ATP6V1G3: variants seen among roughly 807,000 people sequenced by gnomAD.
ATP6V1G3 encodes the protein ATPase H+ transporting V1 subunit G3.
ATP6V1G3 carries 9 observed loss-of-function variants against 9.3 expected under a neutral mutation model. The ratio of observed to expected loss-of-function variants is 0.97; its 90% CI spans 0.59 to 1.69. The LOEUF is 1.69. Ranked by LOEUF, ATP6V1G3 falls within the 40% of genes most tolerant of loss-of-function variation. The probability of loss-of-function intolerance (pLI) is 0.00; values close to 1 mark genes in which losing one functional copy is unlikely to be tolerated. For synonymous variants in ATP6V1G3, 43 were observed against 43.8 expected, an observed-to-expected ratio of 0.98 and a Z score of 0.07; for missense variants, 133 against 139.0, an observed-to-expected ratio of 0.96 and a Z score of 0.22.
chr1:198,524,974 C>G (rs73077366), intron 2 of ATP6V1G3, among the ~76,000 whole-genome samples: 3 of 152,138 alleles, frequency 2.0e-5, no homozygotes, highest in African/African-American at 7.2e-5. Flanking sequence ...GCCACTGAGG[C>G]GCTTGGGTTC....
At chr1:198,527,131 G>A (rs1659686090) in intron 2 of ATP6V1G3, among the ~76,000 whole-genome samples, 1 of 152,068 alleles carries the variant, frequency 6.6e-6, no homozygotes, top group African/African-American at 2.4e-5. Context: ...TGGTTTCTTG[G>A]GTCTCCTCCC....
chr1:198,530,184 C>T (rs1659841788), intron 1 of ATP6V1G3, among the ~76,000 whole-genome samples: 1 of 151,976 alleles, frequency 6.6e-6, no homozygotes, highest in African/African-American at 2.4e-5. Flanking sequence ...TTCTTTTACC[C>T]ATTTTATAGT....
At chr1:198,529,614 C>A (rs1659815437) in intron 1 of ATP6V1G3, among the ~76,000 whole-genome samples, 1 of 152,112 alleles carries the variant, frequency 6.6e-6, no homozygotes, top group African/African-American at 2.4e-5. Context: ...TCCACACCAA[C>A]TGGATCCTAT....
intron 1 of ATP6V1G3, among the ~76,000 whole-genome samples, chr1:198,529,664 A>G (rs1275016002): frequency 1.3e-5 from 2 of 152,108 alleles, no homozygotes; most frequent in Non-Finnish European, 2.9e-5. Context: ...CAAACATGCA[A>G]CTCAGACTCT....
Position 198,523,360 on chromosome 1 carries a change from C to CTTT in ATP6V1G3, c.*28_*30dup. On this transcript the variant is annotated 3_prime_UTR_variant, in exon 3 of 3. Coordinates refer to ENST00000367382, the MANE Select transcript of ATP6V1G3 (RefSeq NM_001376861.1). ...AAGCAACCAGGTGGCACTCACACAC[C>CTTT]TTTTTTTTTCTTGAAAACTGTGATG... The CTTT allele has an allele frequency of 6.4e-7, 1 of 1,554,084 alleles. No individual in the cohort carries two copies. Among genetic ancestry groups the CTTT allele is most frequent in the Non-Finnish European group, 8.8e-7 (1 of 1,139,882 alleles).
intron 1 of ATP6V1G3, among the ~76,000 whole-genome samples, chr1:198,538,891 CAA>C (rs71569596): frequency 4.0e-4 from 39 of 97,276 alleles, no homozygotes; most frequent in Admixed American, 6.4e-4. Context: ...GACCCTGTCT[CAA>C]AAAAAAAAAA....
chr1:198,540,735 A>G, upstream of ATP6V1G3: 1 of 1,353,782 alleles, frequency 7.4e-7, no homozygotes, highest in Non-Finnish European at 1.1e-6. Flanking sequence ...CATATAACTC[A>G]GATTATTGTG....
At chr1:198,536,932 T>C (rs1660138061) in intron 1 of ATP6V1G3, among the ~76,000 whole-genome samples, 2 of 152,206 alleles carry the variant, frequency 1.3e-5, no homozygotes, top group Non-Finnish European at 2.9e-5. Flanking sequence ...GCGTGTATTA[T>C]AACTTCTATT....
At chr1:198,540,467 CAA>C (rs1214595655) in intron 1 of ATP6V1G3, 100 bp downstream of exon 1, 3 of 1,269,394 alleles carry the variant, frequency 2.4e-6, no homozygotes, top group Non-Finnish European at 3.4e-6. Context: ...TACAGTAAAC[CAA>C]AGTTTGAAAC....
At chr1:198,531,482 T>G (rs190155021) in intron 1 of ATP6V1G3, among the ~76,000 whole-genome samples, 1 of 152,222 alleles carries the variant, frequency 6.6e-6, no homozygotes, top group African/African-American at 2.4e-5. Flanking sequence ...GATTTTCAGG[T>G]GGTTTGTGGG....
intron 1 of ATP6V1G3, among the ~76,000 whole-genome samples, chr1:198,537,997 A>G (rs1325207832): frequency 6.6e-6 from 1 of 152,244 alleles, no homozygotes; most frequent in African/African-American, 2.4e-5. Context: ...GTTTCTATCC[A>G]GTTAAAACTG....
chr1:198,537,636 A>C (rs777657405), intron 1 of ATP6V1G3, among the ~76,000 whole-genome samples: 24 of 152,246 alleles, frequency 1.6e-4, no homozygotes, highest in Non-Finnish European at 2.2e-4. Flanking sequence ...GTATGAAAAA[A>C]TAAAGCAAAA....
At chr1:198,535,008 C>T (rs1383318436) in intron 1 of ATP6V1G3, among the ~76,000 whole-genome samples, 10 of 152,186 alleles carry the variant, frequency 6.6e-5, no homozygotes, top group African/African-American at 9.7e-5. Flanking sequence ...TGTCAGATCT[C>T]TGCTTCCTGA....
intron 1 of ATP6V1G3, among the ~76,000 whole-genome samples, chr1:198,530,664 A>C (rs1418718918): frequency 6.6e-6 from 1 of 152,124 alleles, no homozygotes; most frequent in Non-Finnish European, 1.5e-5. Flanking sequence ...AATGCTCATT[A>C]CCATTTTGTA....
upstream of ATP6V1G3, chr1:198,540,805 G>A: frequency 1.4e-6 from 1 of 740,460 alleles, no homozygotes; most frequent in South Asian, 1.7e-5. Context: ...GGATAGCTGG[G>A]TCCCAAGGAA....
chr1:198,525,440 G>C (rs1227783191), intron 2 of ATP6V1G3, among the ~76,000 whole-genome samples: 2 of 152,008 alleles, frequency 1.3e-5, no homozygotes, highest in Non-Finnish European at 2.9e-5. Context: ...TTTTTATAGG[G>C]ATAATATCAT....
At position 198,529,195 on chromosome 1, in the gene ATP6V1G3, AATATATAT is replaced by A; in HGVS notation, c.83-22_83-15del. 41 of 465,896 alleles carry A rather than the reference AATATATAT, an allele frequency of 8.8e-5. No individual in the cohort carries two copies. Among genetic ancestry groups the A allele is most frequent in the Non-Finnish European group, 1.2e-4 (37 of 302,380 alleles). 28.9% of individuals were successfully genotyped at this position (465,896 alleles called of 1,614,324 possible). A position where few individuals can be genotyped will look rare whatever the true frequency, so the allele number is the denominator to read the frequency against. Reference sequence around the variant, plus strand: ...GCTTTCCTTTTCCTGAAAATTAACAAATATATATATATATATATATAATTATATATATC... The same window carrying A: ...GCTTTCCTTTTCCTGAAAATTAACAAATATATATATATAATTATATATATC... On this transcript the variant is annotated splice_polypyrimidine_tract_variant and intron_variant, in intron 1 of 2. Transcript: ENST00000367382.
At chr1:198,526,549 T>A (rs1659659935) in intron 2 of ATP6V1G3, among the ~76,000 whole-genome samples, 1 of 152,190 alleles carries the variant, frequency 6.6e-6, no homozygotes, top group Non-Finnish European at 1.5e-5. Context: ...CATGTTAATT[T>A]TCAAAATGTC....
Position 198,523,369 on chromosome 1 carries a change from T to C in ATP6V1G3, c.*22A>G, listed in dbSNP as rs1659519622. The C allele has an allele frequency of 1.2e-6, 2 of 1,601,474 alleles. No homozygotes were observed. Among genetic ancestry groups the C allele is most frequent in the Non-Finnish European group, 8.5e-7 (1 of 1,174,388 alleles). On this transcript the variant is annotated 3_prime_UTR_variant, in exon 3 of 3. Transcript: ENST00000367382. ...GGTGGCACTCACACACCTTTTTTTT[T>C]CTTGAAAACTGTGATGTACATTTAG...
Sources: allele counts gnomAD v4.1 joint callset (sites outside exome capture counted in the v4.1 genomes callset), GRCh38; gene constraint gnomAD v4.1.1; transcripts MANE v1.5; gene names NCBI Gene and HGNC (gene_info 2026-07-23, HGNC 2026-07-21).